The following ATAD2B variants were observed in gnomAD, a reference collection of about 807,000 sequenced individuals.
ATAD2B encodes ATPase family AAA domain-containing protein 2B.
A neutral mutation model predicts 167.6 loss-of-function variants in ATAD2B; 40 were observed. The ratio of observed to expected loss-of-function variants is 0.24; its 90% CI spans 0.19 to 0.31. The LOEUF is 0.31. Among genes scored for constraint, ATAD2B ranks in the 10% least tolerant of loss-of-function variants. The pLI, the probability that ATAD2B is intolerant of heterozygous loss-of-function variation, is 1.00. For synonymous variants in ATAD2B, 579 were observed against 596.5 expected, an observed-to-expected ratio of 0.97 and a Z score of 0.43; for missense variants, 1,242 against 1,757.2, an observed-to-expected ratio of 0.71 and a Z score of 5.24.
chr2:23,696,579 C>T, the ATAD2B span: 1 of 1,282,248 alleles, frequency 7.8e-7, no homozygotes, highest in Non-Finnish European at 1.1e-6. The surrounding 1 kb of genome is among the most constrained non-coding windows in gnomAD (Gnocchi z 5.5). Context: ...TCACGTCACT[C>T]ACTGTACCTC....
At chr2:23,834,660 T>C (rs528527521) in intron 13 of ATAD2B, among the ~76,000 whole-genome samples, 27 of 150,176 alleles carry the variant, frequency 1.8e-4, no homozygotes, top group Admixed American at 7.3e-4. Context: ...AGTAAAAATA[T>C]AACCTAAGAA....
At chr2:23,679,437 G>C in the ATAD2B span, among the ~76,000 whole-genome samples, 1 of 152,206 alleles carries the variant, frequency 6.6e-6, no homozygotes, top group African/African-American at 2.4e-5. Flanking sequence ...TGGAGAGTGA[G>C]TGAAAGTGAG....
At chr2:23,679,905 G>C in the ATAD2B span, among the ~76,000 whole-genome samples, 5 of 152,198 alleles carry the variant, frequency 3.3e-5, no homozygotes, top group Admixed American at 2.6e-4. Flanking sequence ...TCCAGGCGGA[G>C]GGGACGGAGA....
At chr2:23,777,358 AT>A (rs1558517009) in intron 22 of ATAD2B, among the ~76,000 whole-genome samples, 1 of 151,034 alleles carries the variant, frequency 6.6e-6, no homozygotes, top group Non-Finnish European at 1.5e-5. Flanking sequence ...ATATATCTAT[AT>A]CTATATCTAT....
chr2:23,722,935 T>C, the ATAD2B span, among the ~76,000 whole-genome samples: 2 of 152,172 alleles, frequency 1.3e-5, no homozygotes, highest in Non-Finnish European at 2.9e-5. Flanking sequence ...AGGGGATTAA[T>C]ATCTAGAATA....
At chr2:23,893,383 T>C (rs972192812) in intron 2 of ATAD2B, among the ~76,000 whole-genome samples, 1 of 152,148 alleles carries the variant, frequency 6.6e-6, no homozygotes, top group African/African-American at 2.4e-5. Context: ...TTACCTTAGA[T>C]GCTCATAAGA....
chr2:23,847,615 T>G (rs940844415), intron 13 of ATAD2B, among the ~76,000 whole-genome samples: 1 of 151,642 alleles, frequency 6.6e-6, no homozygotes, highest in Non-Finnish European at 1.5e-5. Context: ...ATCACACCAC[T>G]GCACTACAGC....
intron 12 of ATAD2B, among the ~76,000 whole-genome samples, chr2:23,857,850 T>C (rs1693673354): frequency 6.6e-6 from 1 of 150,450 alleles, no homozygotes; most frequent in Non-Finnish European, 1.5e-5. Flanking sequence ...CACACCATTC[T>C]CCTGCCTCAG....
chr2:23,687,147 C>A, the ATAD2B span, among the ~76,000 whole-genome samples: 1 of 152,236 alleles, frequency 6.6e-6, no homozygotes, highest in Non-Finnish European at 1.5e-5. Flanking sequence ...GCAGTGGCTC[C>A]ACGCTCAGGC....
At chr2:23,903,906 A>G (rs1246203761) in intron 1 of ATAD2B, among the ~76,000 whole-genome samples, 1 of 152,152 alleles carries the variant, frequency 6.6e-6, no homozygotes, top group East Asian at 1.9e-4. Context: ...AAATAAATAC[A>G]GTAAGGGCAG....
At chr2:23,806,123 G>C (rs1355604477) in intron 18 of ATAD2B, 3 of 151,988 alleles carry the variant, frequency 2.0e-5, no homozygotes, top group Non-Finnish European at 4.4e-5. Context: ...TAGTTTTTGT[G>C]CATTGCTTAG....
At chr2:23,771,217 A>T (rs748062824) in intron 22 of ATAD2B, among the ~76,000 whole-genome samples, 1 of 152,218 alleles carries the variant, frequency 6.6e-6, no homozygotes, top group Non-Finnish European at 1.5e-5. Context: ...AGGATTTTCT[A>T]TGTAGACATC....
chr2:23,781,572 G>A (rs1216868081), intron 22 of ATAD2B, among the ~76,000 whole-genome samples: 1 of 151,834 alleles, frequency 6.6e-6, no homozygotes, highest in Non-Finnish European at 1.5e-5. Context: ...GGCTGAGCCA[G>A]GAGAATCACT....
At chr2:23,923,284 T>C (rs1704220055) in intron 1 of ATAD2B, among the ~76,000 whole-genome samples, 1 of 152,170 alleles carries the variant, frequency 6.6e-6, no homozygotes. Context: ...CTCACTTATC[T>C]GCTAGTTTAG....
At chr2:23,883,797 C>CTACTAATCTGCATT (rs1275817205) in intron 6 of ATAD2B, among the ~76,000 whole-genome samples, 2 of 152,150 alleles carry the variant, frequency 1.3e-5, no homozygotes, top group Non-Finnish European at 1.5e-5. Flanking sequence ...CCTATAAGTA[C>CTACTAATCTGCATT]TACTAATCTG....
chr2:23,804,998 C>T (rs1052630135), intron 18 of ATAD2B, among the ~76,000 whole-genome samples: 8 of 151,694 alleles, frequency 5.3e-5, no homozygotes, highest in Admixed American at 1.3e-4. Flanking sequence ...CAAAAATTAG[C>T]TGGGCGTGGT....
At chr2:23,860,184 A>T (rs1397192700) in intron 12 of ATAD2B, among the ~76,000 whole-genome samples, 1 of 152,150 alleles carries the variant, frequency 6.6e-6, no homozygotes, top group Non-Finnish European at 1.5e-5. Context: ...CACAGCAAGA[A>T]GGCACTGACC....
At chr2:23,727,051 C>A in the ATAD2B span, among the ~76,000 whole-genome samples, 1 of 151,332 alleles carries the variant, frequency 6.6e-6, no homozygotes, top group African/African-American at 2.4e-5. Context: ...TTTAAAAAAC[C>A]AAAGAAGATC....
intron 19 of ATAD2B, 100 bp downstream of exon 19, chr2:23,798,038 G>A (rs1439061214): frequency 3.9e-6 from 3 of 760,644 alleles, no homozygotes; most frequent in South Asian, 3.2e-5. Context: ...ATAAACCCTG[G>A]CAGTATTAAT....
Sources: allele counts gnomAD v4.1 joint callset (sites outside exome capture counted in the v4.1 genomes callset), GRCh38; gene constraint gnomAD v4.1.1; non-coding constraint Gnocchi (gnomAD v3.1); transcripts MANE v1.5; gene names NCBI Gene and HGNC (gene_info 2026-07-23, HGNC 2026-07-21).